The following HDAC9 variants were observed in gnomAD, a reference collection of about 807,000 sequenced individuals.
The protein encoded by HDAC9 is MEF-2 interacting transcription repressor (MITR) protein.
In HDAC9, 41 loss-of-function variants were observed where a neutral mutation model predicts 139.4. The ratio of observed to expected loss-of-function variants is 0.29; its 90% CI spans 0.23 to 0.38. HDAC9 has a LOEUF of 0.38. Among genes scored for constraint, HDAC9 ranks in the 10% least tolerant of loss-of-function variants. The probability of loss-of-function intolerance (pLI) is 1.00; values close to 1 mark genes in which losing one functional copy is unlikely to be tolerated. For missense variants in HDAC9, 1,147 were observed against 1,297.0 expected, an observed-to-expected ratio of 0.88 and a Z score of 1.78; for synonymous variants, 517 against 476.2, an observed-to-expected ratio of 1.09 and a Z score of -1.12.
intron 2 of HDAC9, among the ~76,000 whole-genome samples, chr7:18,174,897 G>A (rs1788753891): frequency 6.6e-6 from 1 of 152,198 alleles, no homozygotes; most frequent in Non-Finnish European, 1.5e-5. Context: ...CTCCCAGTTA[G>A]GCTACATGGC....
At position 18,829,539 on chromosome 7, in the gene HDAC9, T is replaced by A; in HGVS notation, c.2457T>A (p.Ile819=). ...RDQLNISKIL[I]VDLDVHHGNG... ...AACTAAATATAAGCAAGATATTGAT[T>A]GTAGATCTGGTATGTATTCCTGGCC... The change falls in exon 19 of 26, where the codon ATT becomes ATA. Residue 819 remains isoleucine (I), a synonymous_variant. Coordinates refer to ENST00000686413, the MANE Select transcript of HDAC9 (RefSeq NM_178425.4). 2 of 1,593,606 alleles carry A rather than the reference T, an allele frequency of 1.3e-6. No individual in the cohort carries two copies. Among genetic ancestry groups the A allele is most frequent in the Non-Finnish European group, 1.7e-6 (2 of 1,162,488 alleles).
At chr7:18,197,949 C>T (rs1790840979) in intron 2 of HDAC9, among the ~76,000 whole-genome samples, 1 of 151,770 alleles carries the variant, frequency 6.6e-6, no homozygotes, top group Non-Finnish European at 1.5e-5. Context: ...ACTCCTTTTT[C>T]AAAAAATGAG....
intron 13 of HDAC9, among the ~76,000 whole-genome samples, chr7:18,737,155 A>G (rs1377900846): frequency 6.6e-6 from 1 of 152,020 alleles, no homozygotes; most frequent in Non-Finnish European, 1.5e-5. Flanking sequence ...CTAGCAGTCT[A>G]TCAATTTTGT....
chr7:18,668,297 A>G (rs958655049), intron 12 of HDAC9: 1 of 953,682 alleles, frequency 1.0e-6, no homozygotes, highest in Non-Finnish European at 1.2e-6. Context: ...TTTGGTTAGT[A>G]TATTCCTTCA....
chr7:18,557,339 G>GTTTT (rs34667664), intron 2 of HDAC9, among the ~76,000 whole-genome samples: 2 of 137,430 alleles, frequency 1.5e-5, no homozygotes, highest in Non-Finnish European at 3.2e-5. Context: ...GCAATGATGA[G>GTTTT]TTTTTTTTTT....
chr7:18,393,397 G>A (rs1786725512), intron 1 of HDAC9, among the ~76,000 whole-genome samples: 1 of 152,114 alleles, frequency 6.6e-6, no homozygotes, highest in African/African-American at 2.4e-5. Flanking sequence ...GGAGTAGAGG[G>A]AACAGAGGAG....
intron 17 of HDAC9, among the ~76,000 whole-genome samples, chr7:18,821,516 G>A (rs1048965799): frequency 6.6e-6 from 1 of 152,166 alleles, no homozygotes; most frequent in Non-Finnish European, 1.5e-5. Context: ...AAAGCAAGAT[G>A]AATGGTGATA....
At chr7:18,263,957 A>G (rs1333456475) in intron 2 of HDAC9, among the ~76,000 whole-genome samples, 2 of 152,168 alleles carry the variant, frequency 1.3e-5, no homozygotes, top group African/African-American at 4.8e-5. Flanking sequence ...TAATTTTACT[A>G]CAGACAAAAA....
At chr7:18,152,386 G>T (rs918682108) in intron 1 of HDAC9, among the ~76,000 whole-genome samples, 1 of 151,940 alleles carries the variant, frequency 6.6e-6, no homozygotes, top group African/African-American at 2.4e-5. Flanking sequence ...CCAAAGTCAG[G>T]GTTCTTTTCC....
At chr7:18,120,773 T>A (rs1305573296) in intron 1 of HDAC9, among the ~76,000 whole-genome samples, 3 of 152,216 alleles carry the variant, frequency 2.0e-5, no homozygotes, top group African/African-American at 7.2e-5. Flanking sequence ...TGTTTTTAGA[T>A]TAAGAATGAG....
In HDAC9 at chr7:18,275,042, A is replaced by G. The variant is rs576775871; in HGVS notation, c.25+112693A>G. 1.3e-4 allele frequency among the ~76,000 whole-genome samples: 20 copies of G among 152,356 alleles called. No homozygotes were observed. The South Asian group carries it at 3.1e-3, about 24-fold the overall frequency. On this transcript the variant is annotated intron_variant, in intron 2 of 12. Transcript: ENST00000417496. ...CAGCTTTCCTGAACTTCAGGCATGT[A>G]TATCCAGATGATCTGGTAGCCTTCT...
intron 2 of HDAC9, among the ~76,000 whole-genome samples, chr7:18,175,170 C>T (rs963598464): frequency 2.0e-5 from 3 of 152,226 alleles, no homozygotes; most frequent in South Asian, 2.1e-4. Flanking sequence ...GTGGCGGACA[C>T]CCCTCCCCCC....
chr7:18,668,965 C>T, intron 12 of HDAC9: 1 of 835,560 alleles, frequency 1.2e-6, no homozygotes, highest in Non-Finnish European at 1.4e-6. Context: ...AAAATAAAGA[C>T]ATTTTGAGCA....
At chr7:18,347,842 G>T (rs1212165385) in intron 1 of HDAC9, among the ~76,000 whole-genome samples, 3 of 152,134 alleles carry the variant, frequency 2.0e-5, no homozygotes, top group Non-Finnish European at 2.9e-5. Context: ...CTCCCCAAGT[G>T]CTGGGATAAC....
At chr7:18,692,230 A>G (rs554720224) in intron 12 of HDAC9, among the ~76,000 whole-genome samples, 100 of 152,242 alleles carry the variant, frequency 6.6e-4, no homozygotes, top group African/African-American at 2.3e-3. Context: ...TTAAAACATC[A>G]GTCCAGGGAG....
intron 2 of HDAC9, among the ~76,000 whole-genome samples, chr7:18,243,653 T>A (rs1356486679): frequency 6.6e-6 from 1 of 152,232 alleles, no homozygotes; most frequent in East Asian, 1.9e-4. Context: ...TAGGCTAAGA[T>A]CATCTCCTCT....
At chr7:18,666,518 C>A in intron 12 of HDAC9, 42 bp downstream of exon 12, 2 of 1,587,006 alleles carry the variant, frequency 1.3e-6, no homozygotes, top group South Asian at 1.1e-5. Context: ...TAATTAAAGT[C>A]ATTATCTGAA....
chr7:18,438,931 G>C (rs2128089616), intron 1 of HDAC9, among the ~76,000 whole-genome samples: 1 of 152,186 alleles, frequency 6.6e-6, no homozygotes, highest in Non-Finnish European at 1.5e-5. Context: ...TAACAGTTAA[G>C]GGCATCAGAG....
chr7:18,600,500 C>T (rs556902174), intron 6 of HDAC9, among the ~76,000 whole-genome samples: 112 of 152,282 alleles, frequency 7.4e-4, no homozygotes, highest in African/African-American at 2.5e-3. Flanking sequence ...TTTTCCATAT[C>T]GGTGTCCAAT....
Sources: gnomAD v4.1 joint callset for allele counts (sites outside exome capture counted in the v4.1 genomes callset) on GRCh38, gnomAD v4.1.1 for gene constraint, MANE v1.5 for transcripts, NCBI Gene and HGNC (gene_info 2026-07-23, HGNC 2026-07-21) for gene names.